Variants in DMD observed in about 807,000 individuals in gnomAD.
DMD encodes mutant dystrophin.
Under a neutral mutation model 330.1 loss-of-function variants are expected in DMD, and 63 were observed. That is an observed-to-expected ratio of 0.19 (90% confidence interval 0.16 to 0.24). The LOEUF (loss-of-function observed/expected upper bound fraction) is 0.24, where lower values mean the gene tolerates loss of function less well. Among genes scored for constraint, DMD ranks in the 10% least tolerant of loss-of-function variants. DMD has a pLI of 1.00. For synonymous variants in DMD, 1,223 were observed against 959.8 expected (o/e 1.27, Z -5.07); for missense variants, 3,344 against 2,684.1 (o/e 1.25, Z -5.43).
chrX:32,060,696 T>C (rs1289311222), intron 44 of DMD, among the ~76,000 whole-genome samples: 1 of 111,931 alleles, frequency 8.9e-6, no homozygotes. Flanking sequence ...TGATAGACAG[T>C]TTTAATCAAA....
chrX:33,093,947 T>C (rs1172785387), intron 1 of DMD, among the ~76,000 whole-genome samples: 1 of 111,716 alleles, frequency 9.0e-6, no homozygotes, highest in Non-Finnish European at 1.9e-5. Flanking sequence ...TTTATGAAAG[T>C]TCAGAACATC....
At chrX:31,523,125 T>C (rs1007016981) in intron 55 of DMD, among the ~76,000 whole-genome samples, 6 of 110,943 alleles carry the variant, frequency 5.4e-5, no homozygotes, top group African/African-American at 2.0e-4. Context: ...ACTCAAGAAT[T>C]TGCATTTCTT....
At position 32,312,942 on chromosome X, in the gene DMD, C is replaced by CAAAAAAAA. The variant is rs767993498; in HGVS notation, c.5923-2674_5923-2667dup. ...ATTGAGGCAGTAATAGCCTACGAAC[C>CAAAAAAAA]AAAAAAAAAAAAAAAAAAAAAAGCC... is the stretch of plus-strand genomic sequence containing the variant. On this transcript the variant is annotated intron_variant, in intron 41 of 78. Transcript: ENST00000357033. Among the ~76,000 whole-genome samples, 148 of 20,378 alleles carry CAAAAAAAA rather than the reference C, an allele frequency of 7.3e-3. 27 individuals carry two copies. Among genetic ancestry groups the CAAAAAAAA allele is most frequent in the Non-Finnish European group, 0.01 (104 of 10,330 alleles). 17.7% of individuals were successfully genotyped at this position (20,378 alleles called of 115,157 possible). A position where few individuals can be genotyped will look rare whatever the true frequency, so the allele number is the denominator to read the frequency against.
intron 16 of DMD, among the ~76,000 whole-genome samples, chrX:32,546,630 C>T (rs1194743075): frequency 9.0e-6 from 1 of 111,596 alleles, no homozygotes; most frequent in Non-Finnish European, 1.9e-5. Context: ...TTGTTAAAGA[C>T]ATATCTTTAC....
At chrX:32,635,686 C>T (rs1239513017) in intron 11 of DMD, among the ~76,000 whole-genome samples, 1 of 111,419 alleles carries the variant, frequency 9.0e-6, no homozygotes, top group Non-Finnish European at 1.9e-5. Flanking sequence ...AATGAATGGT[C>T]CATAGGAAGC....
At chrX:31,470,436 G>A (rs1025521574) in intron 59 of DMD, among the ~76,000 whole-genome samples, 5 of 111,830 alleles carry the variant, frequency 4.5e-5, no homozygotes, top group South Asian at 3.8e-4. Context: ...TTTGCTGGAG[G>A]TCCACTCCAG....
chrX:32,594,695 A>C (rs1467526540), intron 13 of DMD, among the ~76,000 whole-genome samples: 1 of 111,443 alleles, frequency 9.0e-6, no homozygotes, highest in Non-Finnish European at 1.9e-5. Flanking sequence ...TTAATACTTT[A>C]TGATTTCTCC....
chrX:32,590,934 T>C (rs776293925), intron 13 of DMD, among the ~76,000 whole-genome samples: 5 of 111,962 alleles, frequency 4.5e-5, no homozygotes, highest in African/African-American at 9.7e-5. Context: ...TACATCTATC[T>C]ATCCATCCAT....
intron 52 of DMD, among the ~76,000 whole-genome samples, chrX:31,716,826 TACACACACACAC>T (rs3032284): frequency 4.1e-5 from 4 of 96,465 alleles, no homozygotes; most frequent in South Asian, 4.8e-4. Context: ...TATATAAGAA[TACACACACACAC>T]ACACACACAC....
chrX:33,074,519 C>A (rs2094809095), intron 1 of DMD, among the ~76,000 whole-genome samples: 1 of 110,582 alleles, frequency 9.0e-6, no homozygotes, highest in African/African-American at 3.3e-5. Flanking sequence ...AAATTTAACC[C>A]CCAGTGTGGC....
At chrX:31,311,013 A>G (rs753809097) in intron 62 of DMD, among the ~76,000 whole-genome samples, 3 of 111,992 alleles carry the variant, frequency 2.7e-5, no homozygotes, top group African/African-American at 9.7e-5. Flanking sequence ...AATGATAAAA[A>G]ATAAAGACTA....
intron 55 of DMD, among the ~76,000 whole-genome samples, chrX:31,599,749 C>T (rs2077261877): frequency 9.0e-6 from 1 of 111,675 alleles, no homozygotes; most frequent in Admixed American, 9.5e-5. Flanking sequence ...CTGCTTTTAA[C>T]TTGTTTAAGG....
Position 32,558,886 on chromosome X carries a change from C to A in DMD, c.1992+6816G>T, listed in dbSNP as rs1367146385. Among the ~76,000 whole-genome samples, 10 of 101,266 alleles carry A rather than the reference C, an allele frequency of 9.9e-5. No homozygotes were observed. The Admixed American group carries it at 1.1e-3, about 11-fold the overall frequency. The allele number at this position is 101,266 out of a possible 115,157, so 87.9% of individuals were successfully genotyped here. A position where few individuals can be genotyped will look rare whatever the true frequency, so the allele number is the denominator to read the frequency against. On this transcript the variant is annotated intron_variant, in intron 16 of 78. Coordinates refer to ENST00000357033, the MANE Select transcript of DMD (RefSeq NM_004006.3). ...AAATACCTATTATAGTTGGAGATAGCAAAATGATACAGTTAATTTCCAAAG... is the reference window on the plus strand; with the variant it reads ...AAATACCTATTATAGTTGGAGATAGAAAAATGATACAGTTAATTTCCAAAG...
At chrX:31,163,559 C>T (rs1371412211) in intron 74 of DMD, among the ~76,000 whole-genome samples, 11 of 112,113 alleles carry the variant, frequency 9.8e-5, no homozygotes, top group East Asian at 8.4e-4. Flanking sequence ...TGGGAACAGC[C>T]GTAGGAATCA....
intron 52 of DMD, among the ~76,000 whole-genome samples, chrX:31,720,130 T>G (rs1449674627): frequency 1.8e-5 from 2 of 112,282 alleles, no homozygotes; most frequent in Non-Finnish European, 3.8e-5. Context: ...TTTCCCCTTT[T>G]CATGTAGAAA....
intron 7 of DMD, among the ~76,000 whole-genome samples, chrX:32,798,640 A>G (rs890950126): frequency 8.9e-6 from 1 of 111,882 alleles, no homozygotes; most frequent in Admixed American, 9.5e-5. Context: ...TTTCTTAAAT[A>G]TATTTTCAAC....
rs1314218641 is a variant in DMD, at chrX:33,033,141, C to A, written c.32-12941G>T. Among the ~76,000 whole-genome samples, 4 of 110,898 alleles carry A rather than the reference C, an allele frequency of 3.6e-5. No individual in the cohort carries two copies. In the East Asian group the frequency reaches 8.5e-4, roughly 24 times the overall value. On this transcript the variant is annotated intron_variant, in intron 1 of 78. Transcript: ENST00000357033. The stretch of plus-strand genomic sequence containing the variant: ...ATCCAAGTGGCAGAGCAAAGAAGGT[C>A]CAGAGTCACACAATCAATTTTTATT...
chrX:31,945,983 A>C (rs2095080992), intron 45 of DMD, among the ~76,000 whole-genome samples: 1 of 112,265 alleles, frequency 8.9e-6, no homozygotes, highest in Non-Finnish European at 1.9e-5. Context: ...AACATAGAAA[A>C]GAAGCAATAA....
chrX:31,331,215 T>C (rs769885423), intron 61 of DMD, among the ~76,000 whole-genome samples: 23 of 111,712 alleles, frequency 2.1e-4, no homozygotes, highest in South Asian at 3.8e-4. Flanking sequence ...TCTGAGACCA[T>C]TGCACATGGT....
Sources: allele counts gnomAD v4.1 joint callset (sites outside exome capture counted in the v4.1 genomes callset), GRCh38; gene constraint gnomAD v4.1.1; transcripts MANE v1.5; gene names NCBI Gene and HGNC (gene_info 2026-07-23, HGNC 2026-07-21).